Variants in NCAM1 observed in about 807,000 individuals in gnomAD.
NCAM1 encodes the protein antigen recognized by monoclonal antibody 5.1H11.
In NCAM1, 14 loss-of-function variants were observed where a neutral mutation model predicts 109.8. That is an observed-to-expected ratio of 0.13 (90% CI 0.08 to 0.20). The LOEUF (loss-of-function observed/expected upper bound fraction) is 0.20. NCAM1 is among the 10% of genes least tolerant of loss of function. The pLI is 1.00. For missense variants in NCAM1, 774 were observed against 1,109.9 expected (o/e 0.70, Z 4.30); for synonymous variants, 418 against 442.9 (o/e 0.94, Z 0.70).
chr11:112,982,949 G>A (rs1281415472), intron 1 of NCAM1, among the ~76,000 whole-genome samples: 2 of 151,880 alleles, frequency 1.3e-5, no homozygotes, highest in Non-Finnish European at 2.9e-5. Context: ...GATGGTTCTC[G>A]AAGGATAAGT....
chr11:112,968,924 T>C (rs1368808739), intron 1 of NCAM1, among the ~76,000 whole-genome samples: 7 of 152,200 alleles, frequency 4.6e-5, no homozygotes, highest in Admixed American at 2.0e-4. Context: ...GTCAGATAGC[T>C]TCAGGAATCG....
intron 2 of NCAM1, among the ~76,000 whole-genome samples, chr11:113,203,951 A>G (rs1555112365): frequency 6.6e-6 from 1 of 152,216 alleles, no homozygotes; most frequent in East Asian, 1.9e-4. Context: ...TGTGTGAGGC[A>G]TGTGTGTTCC....
In NCAM1 at chr11:113,116,772, G is replaced by A. The variant is rs183560356; in HGVS notation, c.53-85607G>A. 1.3e-4 allele frequency among the ~76,000 whole-genome samples: 19 copies of A among 151,796 alleles called. No individual in the cohort carries two copies. In the East Asian group the frequency reaches 3.5e-3, roughly 28 times the overall value. On this transcript the variant is annotated intron_variant, in intron 1 of 19. Coordinates refer to ENST00000316851, the MANE Select transcript of NCAM1 (RefSeq NM_181351.5). ...CATTGCACATTGACATTCTTCAAGA[G>A]GCTCTTTCTATGTCCTTTCTGGCCT...
At chr11:113,080,584 G>A (rs1591308235) in intron 1 of NCAM1, among the ~76,000 whole-genome samples, 1 of 151,974 alleles carries the variant, frequency 6.6e-6, no homozygotes, top group African/African-American at 2.4e-5. Flanking sequence ...TCTAATTGGT[G>A]ATCAAGGAGT....
chr11:112,967,090 T>C (rs1165877138), intron 1 of NCAM1, among the ~76,000 whole-genome samples: 1 of 152,214 alleles, frequency 6.6e-6, no homozygotes. Context: ...ATGTAACCTA[T>C]ATTCCACTTC....
intron 16 of NCAM1, among the ~76,000 whole-genome samples, 155 bp downstream of exon 16, chr11:113,256,156 T>G (rs1424079140): frequency 6.6e-6 from 1 of 152,002 alleles, no homozygotes; most frequent in Non-Finnish European, 1.5e-5. Context: ...TGGCTTAAAA[T>G]CCCAAGACAG....
intron 1 of NCAM1, among the ~76,000 whole-genome samples, chr11:113,030,219 T>C (rs1952673692): frequency 6.6e-6 from 1 of 152,328 alleles, no homozygotes; most frequent in Admixed American, 6.5e-5. Flanking sequence ...ACCCAATGCC[T>C]GGATTATAAA....
chr11:113,242,778 C>T (rs782103738), intron 14 of NCAM1: 6 of 1,605,326 alleles, frequency 3.7e-6, no homozygotes, highest in Non-Finnish European at 5.1e-6. Context: ...CCTTTCTTTG[C>T]CTTTTCTGTC....
At chr11:113,025,383 C>T (rs532537683) in intron 1 of NCAM1, among the ~76,000 whole-genome samples, 2 of 151,968 alleles carry the variant, frequency 1.3e-5, no homozygotes, top group Non-Finnish European at 2.9e-5. Context: ...TATTATTTGC[C>T]GAGCACCTAC....
At chr11:113,046,766 T>C (rs2135367977) in intron 1 of NCAM1, among the ~76,000 whole-genome samples, 1 of 136,010 alleles carries the variant, frequency 7.4e-6, no homozygotes, top group Non-Finnish European at 1.6e-5. Flanking sequence ...GAAAGAAAGA[T>C]GATAGAATAA....
chr11:113,077,846 A>G (rs1228884312), intron 1 of NCAM1, among the ~76,000 whole-genome samples: 3 of 151,734 alleles, frequency 2.0e-5, no homozygotes, highest in South Asian at 2.1e-4. Context: ...GCCACCATGC[A>G]TGACTAATTT....
In NCAM1 at chr11:113,275,565, G is replaced by T; in HGVS notation, c.*178G>T. On this transcript the variant is annotated 3_prime_UTR_variant, in exon 20 of 20. Transcript: ENST00000316851. ...AAAAAAACTAAACAGATAAAACATG[G>T]GAATCTCCTTTTTGTAGGTTTATAG... 1.3e-6 allele frequency: 1 copy of T among 754,704 alleles called. No individual in the cohort carries two copies. The highest frequency in any genetic ancestry group is 2.0e-6 in the Non-Finnish European group (1 of 504,984). 46.8% of individuals were successfully genotyped at this position (754,704 alleles called of 1,614,324 possible). A position where few individuals can be genotyped will look rare whatever the true frequency, so the allele number is the denominator to read the frequency against.
rs575893571 is a variant in NCAM1, at chr11:112,961,460, G to A, written c.-153G>A. 6.4e-6 allele frequency: 5 copies of A among 775,636 alleles called. No individual in the cohort carries two copies. Among genetic ancestry groups the A allele is most frequent in the Middle Eastern group, 2.3e-4 (1 of 4,426 alleles). The allele number at this position is 775,636 out of a possible 1,614,324, so 48.0% of individuals were successfully genotyped here. On this transcript the variant is annotated 5_prime_UTR_variant, in exon 1 of 20. Coordinates refer to ENST00000316851, the MANE Select transcript of NCAM1 (RefSeq NM_181351.5). Reference sequence around the variant, plus strand: ...AGCGCGTGAACGCAGCTCGGCTGCCGCTGGCAGGAAACAATTCTGCAAAAA... The same window carrying A: ...AGCGCGTGAACGCAGCTCGGCTGCCACTGGCAGGAAACAATTCTGCAAAAA...
At chr11:113,034,831 C>T (rs1329301112) in intron 1 of NCAM1, among the ~76,000 whole-genome samples, 4 of 152,280 alleles carry the variant, frequency 2.6e-5, no homozygotes, top group East Asian at 1.9e-4. Context: ...CTAGCTATCA[C>T]GATGCCATTT....
intron 1 of NCAM1, among the ~76,000 whole-genome samples, chr11:113,106,743 G>A (rs1263253461): frequency 6.6e-6 from 1 of 152,200 alleles, no homozygotes; most frequent in Non-Finnish European, 1.5e-5. Context: ...TTTGTGGCAG[G>A]AGAAATTATT....
chr11:113,150,784 G>A (rs987454958), intron 1 of NCAM1, among the ~76,000 whole-genome samples: 1 of 152,180 alleles, frequency 6.6e-6, no homozygotes, highest in African/African-American at 2.4e-5. Flanking sequence ...GAGACCTTGT[G>A]AAGGAAGAGG....
chr11:113,147,278 G>A (rs1203905405), intron 1 of NCAM1, among the ~76,000 whole-genome samples: 4 of 152,176 alleles, frequency 2.6e-5, no homozygotes, highest in East Asian at 1.9e-4. Flanking sequence ...GTTAAACTGC[G>A]CGATAGATTT....
chr11:113,165,300 T>C (rs1006615591), intron 1 of NCAM1, among the ~76,000 whole-genome samples: 10 of 152,182 alleles, frequency 6.6e-5, no homozygotes, highest in African/African-American at 1.9e-4. Context: ...AAAAGGCCAA[T>C]CGCTTTCTGA....
intron 1 of NCAM1, among the ~76,000 whole-genome samples, chr11:113,022,895 G>A (rs1020921119): frequency 2.6e-5 from 4 of 152,108 alleles, no homozygotes; most frequent in Non-Finnish European, 2.9e-5. Flanking sequence ...CTATAAGGAG[G>A]AAGTGACAAA....
Sources: allele counts gnomAD v4.1 joint callset (sites outside exome capture counted in the v4.1 genomes callset), GRCh38; gene constraint gnomAD v4.1.1; transcripts MANE v1.5; gene names NCBI Gene and HGNC (gene_info 2026-07-23, HGNC 2026-07-21).